The following NLGN1 variants were observed in gnomAD, a reference collection of about 807,000 sequenced individuals.
NLGN1 encodes neuroligin 1, also known as neuroligin-1.
In NLGN1, 12 loss-of-function variants were observed where a neutral mutation model predicts 65.5. The ratio of observed to expected loss-of-function variants is 0.18; its 90% CI spans 0.12 to 0.30. The LOEUF (loss-of-function observed/expected upper bound fraction) is 0.30. Among genes scored for constraint, NLGN1 ranks in the 10% least tolerant of loss-of-function variants. NLGN1 has a pLI of 1.00. For synonymous variants in NLGN1, 350 were observed against 359.5 expected (o/e 0.97, Z 0.30); for missense variants, 750 against 1,007.1 (o/e 0.74, Z 3.46).
At chr3:173,410,763 A>G (rs1712367666) in intron 1 of NLGN1, among the ~76,000 whole-genome samples, 1 of 152,214 alleles carries the variant, frequency 6.6e-6, no homozygotes, top group South Asian at 2.1e-4. Flanking sequence ...ATTATACATA[A>G]AGTATGCCAC....
chr3:174,250,171 CTCTTA>C (rs1279516401), intron 4 of NLGN1, among the ~76,000 whole-genome samples: 2 of 152,158 alleles, frequency 1.3e-5, no homozygotes, highest in African/African-American at 4.8e-5. Context: ...GGAACCTAAA[CTCTTA>C]TCTTCTAATC....
chr3:173,753,135 T>A (rs192530210), intron 3 of NLGN1, among the ~76,000 whole-genome samples: 1 of 152,256 alleles, frequency 6.6e-6, no homozygotes, highest in East Asian at 1.9e-4. Flanking sequence ...TCCTTTTATT[T>A]GTCTTTAAAA....
Position 173,497,755 on chromosome 3 carries a change from A to G in NLGN1, c.-321+62677A>G, listed in dbSNP as rs1194637623. Among the ~76,000 whole-genome samples, 5 of 152,000 alleles carry G rather than the reference A, an allele frequency of 3.3e-5. No individual in the cohort carries two copies. The East Asian group carries it at 9.6e-4, about 29-fold the overall frequency. On this transcript the variant is annotated intron_variant, in intron 2 of 6. Coordinates refer to ENST00000457714, the Ensembl canonical transcript of NLGN1. The stretch of plus-strand genomic sequence containing the variant: ...AAGAATGAACATTTGCATTAGAAAA[A>G]AAATCAATATTCAAGGCCCAGGTAG...
intron 2 of NLGN1, among the ~76,000 whole-genome samples, chr3:173,491,497 CAGTA>C (rs1465676911): frequency 2.6e-5 from 4 of 151,718 alleles, no homozygotes; most frequent in Non-Finnish European, 5.9e-5. Context: ...TTCGGTTTGC[CAGTA>C]TGTTACTGAG....
At chr3:173,403,195 A>G (rs768585749) in intron 1 of NLGN1, among the ~76,000 whole-genome samples, 1 of 152,186 alleles carries the variant, frequency 6.6e-6, no homozygotes, top group Non-Finnish European at 1.5e-5. Context: ...TAGAAACTGA[A>G]TAATTGGAAA....
chr3:173,843,543 C>A (rs533184324), intron 4 of NLGN1, among the ~76,000 whole-genome samples: 1 of 152,234 alleles, frequency 6.6e-6, no homozygotes, highest in Non-Finnish European at 1.5e-5. Context: ...TGCCAGATAC[C>A]CTAAATCATC....
intron 3 of NLGN1, among the ~76,000 whole-genome samples, chr3:173,615,496 A>C (rs1752919716): frequency 6.6e-6 from 1 of 152,130 alleles, no homozygotes; most frequent in Non-Finnish European, 1.5e-5. Flanking sequence ...TAAAATCTCC[A>C]AAAAACAAAA....
At chr3:173,791,303 A>T (rs1252951698) in intron 3 of NLGN1, among the ~76,000 whole-genome samples, 2 of 152,182 alleles carry the variant, frequency 1.3e-5, no homozygotes, top group African/African-American at 4.8e-5. Context: ...TCATTGGCCT[A>T]TATGACTATC....
chr3:173,643,129 C>T (rs558109692), intron 3 of NLGN1, among the ~76,000 whole-genome samples: 17 of 152,088 alleles, frequency 1.1e-4, no homozygotes, highest in Admixed American at 3.9e-4. Context: ...CAGGATGAAA[C>T]GGAGAAAAGA....
intron 3 of NLGN1, among the ~76,000 whole-genome samples, chr3:173,684,862 A>G (rs527470647): frequency 2.1e-4 from 32 of 152,342 alleles, no homozygotes; most frequent in African/African-American, 7.0e-4. Flanking sequence ...AAAAATTAAT[A>G]CATAACAGTG....
At chr3:173,897,884 A>G (rs1736610257) in intron 4 of NLGN1, among the ~76,000 whole-genome samples, 1 of 152,194 alleles carries the variant, frequency 6.6e-6, no homozygotes, top group African/African-American at 2.4e-5. Flanking sequence ...CCTTTAGACT[A>G]CATGAATCAT....
At chr3:173,855,045 C>T (rs1234811720) in intron 4 of NLGN1, among the ~76,000 whole-genome samples, 2 of 151,976 alleles carry the variant, frequency 1.3e-5, no homozygotes, top group Non-Finnish European at 2.9e-5. Context: ...ACATTTTTAA[C>T]TGTTAGAAAG....
intron 4 of NLGN1, chr3:174,202,936 T>C (rs1304281869): frequency 6.6e-6 from 1 of 152,200 alleles, no homozygotes; most frequent in Non-Finnish European, 1.5e-5. Context: ...CTCATTTTTC[T>C]GTTAGAGGTT....
At chr3:173,726,130 A>T (rs1400444063) in intron 3 of NLGN1, among the ~76,000 whole-genome samples, 1 of 151,840 alleles carries the variant, frequency 6.6e-6, no homozygotes, top group Non-Finnish European at 1.5e-5. Context: ...GTCATTTGTT[A>T]TGCCCCTACT....
intron 3 of NLGN1, among the ~76,000 whole-genome samples, chr3:173,678,069 T>C (rs1328071722): frequency 2.0e-5 from 3 of 152,126 alleles, no homozygotes; most frequent in Non-Finnish European, 2.9e-5. Context: ...TCTTGCTGTA[T>C]ATGGAAGCAT....
chr3:174,012,701 G>T (rs1473577032), intron 4 of NLGN1, among the ~76,000 whole-genome samples: 1 of 152,054 alleles, frequency 6.6e-6, no homozygotes, highest in African/African-American at 2.4e-5. Flanking sequence ...GTCAAATATT[G>T]GTCATAGCTG....
intron 2 of NLGN1, among the ~76,000 whole-genome samples, chr3:173,495,708 G>T (rs1729909265): frequency 6.9e-6 from 1 of 144,444 alleles, no homozygotes; most frequent in Admixed American, 7.0e-5. Flanking sequence ...CTCTATTGAG[G>T]TATAAATTAC....
At chr3:173,638,447 A>G (rs1464686463) in intron 3 of NLGN1, among the ~76,000 whole-genome samples, 6 of 151,926 alleles carry the variant, frequency 3.9e-5, no homozygotes, top group Admixed American at 3.9e-4. Context: ...AGGTATTTAA[A>G]TTTTAAAATA....
At chr3:174,086,764 AAAT>A (rs1490014103) in intron 4 of NLGN1, among the ~76,000 whole-genome samples, 1 of 152,098 alleles carries the variant, frequency 6.6e-6, no homozygotes, top group East Asian at 1.9e-4. Context: ...ATGCAAAATA[AAAT>A]AATATGTAAC....
Sources: gnomAD v4.1 joint callset for allele counts (sites outside exome capture counted in the v4.1 genomes callset) on GRCh38, gnomAD v4.1.1 for gene constraint, MANE v1.5 for transcripts, NCBI Gene and HGNC (gene_info 2026-07-23, HGNC 2026-07-21) for gene names.